Variants in ZC2HC1B observed in about 807,000 individuals in gnomAD.
The protein encoded by ZC2HC1B is zinc finger C2HC-type containing 1B, also known as zinc finger C2HC domain-containing protein 1B.
In ZC2HC1B, 36 loss-of-function variants were observed where a neutral mutation model predicts 31.0. That is an observed-to-expected ratio of 1.16 (90% CI 0.89 to 1.54). The LOEUF is 1.54. Among genes scored for constraint, ZC2HC1B ranks in the 40% most tolerant of loss-of-function variants. The probability of loss-of-function intolerance (pLI) is 0.00; values close to 1 mark genes in which losing one functional copy is unlikely to be tolerated. For synonymous variants in ZC2HC1B, 73 were observed against 88.0 expected, an observed-to-expected ratio of 0.83 and a Z score of 0.95; for missense variants, 260 against 268.6, an observed-to-expected ratio of 0.97 and a Z score of 0.22.
At chr6:143,880,298 A>G (rs1040726834) in intron 1 of ZC2HC1B, among the ~76,000 whole-genome samples, 1 of 152,184 alleles carries the variant, frequency 6.6e-6, no homozygotes, top group African/African-American at 2.4e-5. Flanking sequence ...CTCTGAGGTG[A>G]TACTCATTGT....
chr6:143,875,501 G>A (rs1777395108), intron 1 of ZC2HC1B, among the ~76,000 whole-genome samples: 1 of 150,714 alleles, frequency 6.6e-6, no homozygotes, highest in Admixed American at 6.6e-5. Context: ...AGTAAATGCA[G>A]AGTCTCTACT....
rs1777548598 is a variant in ZC2HC1B at position 143,887,845 on chromosome 6, G to T, written c.349+1024G>T. The stretch of plus-strand genomic sequence containing the variant: ...ATACAATACATGATTTGCAAATATT[G>T]TCTCCAGTTCTGTGGACTGTCTTTT... On this transcript the variant is annotated intron_variant, in intron 4 of 7. Transcript: ENST00000237275. This position sits in a 1 kb window ranked among gnomAD's most constrained non-coding sequence, Gnocchi z 5.1. Among the ~76,000 whole-genome samples the T allele has an allele frequency of 6.6e-6, 1 of 151,788 alleles. No individual in the cohort carries two copies. Among genetic ancestry groups the T allele is most frequent in the Non-Finnish European group, 1.5e-5 (1 of 67,928 alleles).
In ZC2HC1B at chr6:143,917,421, A is replaced by G. The variant is rs1777932481; in HGVS notation, c.598+14269A>G. ...ATATTCCTTCCTCATTTCCTTTTGT[A>G]TGTATAACTATTTTCTTAGTAGTTA... On this transcript the variant is annotated intron_variant, in intron 6 of 7. Coordinates refer to ENST00000237275, the MANE Select transcript of ZC2HC1B (RefSeq NM_001013623.3). This position sits in a 1 kb window ranked among gnomAD's most constrained non-coding sequence, Gnocchi z 4.1. Among the ~76,000 whole-genome samples, 1 of 152,098 alleles carries G rather than the reference A, an allele frequency of 6.6e-6. No homozygotes were observed. The highest frequency in any genetic ancestry group is 1.5e-5 in the Non-Finnish European group (1 of 68,024).
At chr6:143,936,100 A>G (rs1778175094) in intron 6 of ZC2HC1B, among the ~76,000 whole-genome samples, 1 of 152,164 alleles carries the variant, frequency 6.6e-6, no homozygotes, top group Non-Finnish European at 1.5e-5. Flanking sequence ...TACCTCCCAC[A>G]TATAACAGTT....
chr6:143,903,448 G>A lies in ZC2HC1B; in HGVS notation c.598+296G>A, dbSNP rs1007002864. 3.3e-5 allele frequency among the ~76,000 whole-genome samples: 5 copies of A among 152,144 alleles called. No individual in the cohort carries two copies. Among genetic ancestry groups the A allele is most frequent in the African/African-American group, 7.2e-5 (3 of 41,422 alleles). On this transcript the variant is annotated intron_variant, in intron 6 of 7. Transcript: ENST00000237275. The surrounding 1 kb of genome is among the most constrained non-coding windows in gnomAD (Gnocchi z 4.3). Reference sequence around the variant, plus strand: ...GAGATTGAAAATAGGAGAAGACCACGTGTCATATGTTTGTGTTGAAAATAA... The same window carrying A: ...GAGATTGAAAATAGGAGAAGACCACATGTCATATGTTTGTGTTGAAAATAA...
chr6:143,925,540 T>TC (rs1216816272), intron 6 of ZC2HC1B, among the ~76,000 whole-genome samples: 1 of 146,936 alleles, frequency 6.8e-6, no homozygotes, highest in Non-Finnish European at 1.5e-5. Context: ...TCTTTTCTTT[T>TC]TTTTTTTTTT....
At chr6:143,864,695 G>A in intron 1 of ZC2HC1B, 128 bp downstream of exon 1, 1 of 1,081,796 alleles carries the variant, frequency 9.2e-7, no homozygotes, top group Non-Finnish European at 1.3e-6. Flanking sequence ...TCTAAGTATT[G>A]TAGGATTTTT....
At chr6:143,891,620 G>A (rs1273669687) in intron 4 of ZC2HC1B, among the ~76,000 whole-genome samples, 15 of 150,952 alleles carry the variant, frequency 9.9e-5, no homozygotes, top group African/African-American at 3.7e-4. Flanking sequence ...GAGAATCCGG[G>A]AGGCAGAGGT....
Position 143,903,184 on chromosome 6 carries a change from T to C in ZC2HC1B, c.598+32T>C. ...CAAAGCACGCATTTCATCTCTCAAATGATGGGGGTCAGAGGAGATCACTGT... is the reference window on the plus strand; with the variant it reads ...CAAAGCACGCATTTCATCTCTCAAACGATGGGGGTCAGAGGAGATCACTGT... On this transcript the variant is annotated intron_variant, in intron 6 of 7. Transcript: ENST00000237275. The surrounding 1 kb of genome is among the most constrained non-coding windows in gnomAD (Gnocchi z 4.3). 6.5e-7 allele frequency: 1 copy of C among 1,530,772 alleles called. No homozygotes were observed. 94.8% of individuals were successfully genotyped at this position (1,530,772 alleles called of 1,614,324 possible).
At position 143,884,391 on chromosome 6, in the gene ZC2HC1B, G is replaced by T. The variant is rs753867566; in HGVS notation, c.90+26G>T. On this transcript the variant is annotated intron_variant, in intron 2 of 7. Transcript: ENST00000237275. This position sits in a 1 kb window ranked among gnomAD's most constrained non-coding sequence, Gnocchi z 5.1. Reference sequence around the variant, plus strand: ...GTAAACATAAAGACATTTTGTAGATGTGTTTCATTGGACTTAAATGAACTG... The same window carrying T: ...GTAAACATAAAGACATTTTGTAGATTTGTTTCATTGGACTTAAATGAACTG... The T allele has an allele frequency of 3.0e-5, 46 of 1,521,420 alleles. No homozygotes were observed. The highest frequency in any genetic ancestry group is 3.9e-5 in the Non-Finnish European group (44 of 1,124,260). The allele number at this position is 1,521,420 out of a possible 1,614,324, so 94.2% of individuals were successfully genotyped here. A position where few individuals can be genotyped will look rare whatever the true frequency, so the allele number is the denominator to read the frequency against.
At position 143,917,598 on chromosome 6, in the gene ZC2HC1B, T is replaced by C. The variant is rs887009726; in HGVS notation, c.598+14446T>C. ...TCACAAAATTACATCTTTATACAGG[T>C]TGAATGCTCCTAATCTAAAAATCTG... On this transcript the variant is annotated intron_variant, in intron 6 of 7. Coordinates refer to ENST00000237275, the MANE Select transcript of ZC2HC1B (RefSeq NM_001013623.3). This position sits in a 1 kb window ranked among gnomAD's most constrained non-coding sequence, Gnocchi z 4.1. Among the ~76,000 whole-genome samples the C allele has an allele frequency of 3.3e-5, 5 of 152,104 alleles. No individual in the cohort carries two copies. The highest frequency in any genetic ancestry group is 5.9e-5 in the Non-Finnish European group (4 of 68,014).
chr6:143,896,747 G>A (rs762832363), intron 4 of ZC2HC1B, among the ~76,000 whole-genome samples: 1 of 152,124 alleles, frequency 6.6e-6, no homozygotes, highest in Admixed American at 6.6e-5. Context: ...TAACTTGCCC[G>A]AGTTCACACA....
intron 6 of ZC2HC1B, among the ~76,000 whole-genome samples, chr6:143,926,739 G>A (rs1313190708): frequency 2.0e-5 from 3 of 149,476 alleles, no homozygotes; most frequent in African/African-American, 2.5e-5. Context: ...TTGTATTGGA[G>A]TCTATCTCTC....
chr6:143,881,431 G>T (rs1420145710), intron 1 of ZC2HC1B, among the ~76,000 whole-genome samples: 2 of 151,286 alleles, frequency 1.3e-5, no homozygotes, highest in African/African-American at 4.9e-5. Context: ...CATGCCTGTT[G>T]TCCTAGCTAC....
intron 4 of ZC2HC1B, among the ~76,000 whole-genome samples, chr6:143,890,675 A>G (rs984015847): frequency 6.6e-6 from 1 of 152,340 alleles, no homozygotes; most frequent in African/African-American, 2.4e-5. Flanking sequence ...ATGTAAAACT[A>G]TCTTTATTCA....
At position 143,911,864 on chromosome 6, in the gene ZC2HC1B, C is replaced by A. The variant is rs1777861005; in HGVS notation, c.598+8712C>A. Among the ~76,000 whole-genome samples, 2 of 152,136 alleles carry A rather than the reference C, an allele frequency of 1.3e-5. No homozygotes were observed. The highest frequency in any genetic ancestry group is 1.5e-5 in the Non-Finnish European group (1 of 68,030). ...GGATTATATCCTAAAGTGTGTTTTC[C>A]AACTTGGTTCCATTCTCTCTGTCTC... On this transcript the variant is annotated intron_variant, in intron 6 of 7. Transcript: ENST00000237275. This position sits in a 1 kb window ranked among gnomAD's most constrained non-coding sequence, Gnocchi z 4.5.
chr6:143,910,978 C>T (rs188511641), intron 6 of ZC2HC1B, among the ~76,000 whole-genome samples: 3 of 152,150 alleles, frequency 2.0e-5, no homozygotes, highest in Non-Finnish European at 4.4e-5. Flanking sequence ...GTCTCAAACT[C>T]CTAATCTCAG....
At chr6:143,880,385 A>G (rs1777453631) in intron 1 of ZC2HC1B, among the ~76,000 whole-genome samples, 1 of 152,180 alleles carries the variant, frequency 6.6e-6, no homozygotes, top group Non-Finnish European at 1.5e-5. Flanking sequence ...TAAAATAGTG[A>G]TGCATAATTT....
At chr6:143,937,537 A>AC in intron 6 of ZC2HC1B, 112 bp from the exon 7 acceptor site, 2 of 956,638 alleles carry the variant, frequency 2.1e-6, no homozygotes, top group African/African-American at 3.4e-5. Flanking sequence ...TCCCACCAAA[A>AC]AAAAGGAAGA....
Sources: allele counts gnomAD v4.1 joint callset (sites outside exome capture counted in the v4.1 genomes callset), GRCh38; gene constraint gnomAD v4.1.1; non-coding constraint Gnocchi (gnomAD v3.1); transcripts MANE v1.5; gene names NCBI Gene and HGNC (gene_info 2026-07-23, HGNC 2026-07-21).